The following PHLDB2 variants were observed in gnomAD, a reference collection of about 807,000 sequenced individuals.
PHLDB2 encodes pleckstrin homology like domain family B member 2, also known as pleckstrin homology-like domain family B member 2.
In PHLDB2, 71 loss-of-function variants were observed where a neutral mutation model predicts 123.6. The ratio of observed to expected loss-of-function variants is 0.57; its 90% confidence interval spans 0.47 to 0.70. PHLDB2 has a LOEUF of 0.70. Ranked by LOEUF, PHLDB2 falls within the 30% of genes least tolerant of loss-of-function variation. The pLI is 0.00. For missense variants in PHLDB2, 1,446 were observed against 1,519.5 expected (o/e 0.95, Z 0.80); for synonymous variants, 547 against 541.6 (o/e 1.01, Z -0.14).
Position 111,818,209 on chromosome 3 carries a change from A to G in PHLDB2, c.-48-27612A>G, listed in dbSNP as rs1476299481. Among the ~76,000 whole-genome samples, 3 of 136,230 alleles carry G rather than the reference A, an allele frequency of 2.2e-5. No homozygotes were observed. The Admixed American group carries it at 2.2e-4, about 10-fold the overall frequency. The allele number at this position is 136,230 out of a possible 152,430, so 89.4% of individuals were successfully genotyped here. On this transcript the variant is annotated intron_variant, in intron 1 of 17. Coordinates refer to the PHLDB2 transcript ENST00000393923. ...GTGTGTGTGTGTGTCTGCATGTGTT[A>G]CTATTTAGTAAAGTATCAAAGAGAA...
rs755816391 is a variant in PHLDB2, at chr3:111,885,146, G to C, written c.1069G>C (p.Ala357Pro). The C allele has an allele frequency of 3.8e-5, 61 of 1,614,062 alleles. No individual in the cohort carries two copies. Among genetic ancestry groups the C allele is most frequent in the East Asian group, 1.3e-4 (6 of 44,868 alleles). Reference sequence around the variant, plus strand: ...CTGTGCCTCTGATGACTTTGATCAGGCTTCATATGTGGGGACAAACCCGAG... The same window carrying C: ...CTGTGCCTCTGATGACTTTGATCAGCCTTCATATGTGGGGACAAACCCGAG... ...SSCASDDFDQ[A>P]SYVGTNPSHS... The change falls in exon 2 of 18, where the codon GCT becomes CCT. Residue 357 changes from alanine to proline, a missense_variant. Ala to Pro is a conservative substitution (Grantham distance 27, BLOSUM62 -1). Around this residue, in one of 3 missense-constraint regions of PHLDB2, gnomAD observed 832 missense variants for 831.9 expected, o/e 1.00. Coordinates refer to ENST00000431670, the MANE Select transcript of PHLDB2 (RefSeq NM_001134438.2).
At chr3:111,780,692 T>C (rs1301458457) in intron 1 of PHLDB2, among the ~76,000 whole-genome samples, 2 of 152,114 alleles carry the variant, frequency 1.3e-5, no homozygotes, top group Non-Finnish European at 2.9e-5. Context: ...TCATGTCATC[T>C]GGAACTCTCA....
At chr3:111,926,904 G>A (rs916970466) in intron 5 of PHLDB2, among the ~76,000 whole-genome samples, 3 of 152,072 alleles carry the variant, frequency 2.0e-5, no homozygotes, top group South Asian at 2.1e-4. Flanking sequence ...TATAATATAC[G>A]CTATATAATC....
In PHLDB2 at chr3:111,912,918, G is replaced by A. The variant is rs116983190; in HGVS notation, c.1336-401G>A. Among the ~76,000 whole-genome samples the A allele has an allele frequency of 9.8e-5, 15 of 152,336 alleles. No homozygotes were observed. The East Asian group carries it at 2.9e-3, about 29-fold the overall frequency. On this transcript the variant is annotated intron_variant, in intron 2 of 17. Coordinates refer to ENST00000431670, the MANE Select transcript of PHLDB2 (RefSeq NM_001134438.2). ...CACTGGACCCCAGGAGTTAAATAAAGTGAGCTATGATTGTGCCACTGCACT... is the reference window on the plus strand; with the variant it reads ...CACTGGACCCCAGGAGTTAAATAAAATGAGCTATGATTGTGCCACTGCACT...
intron 16 of PHLDB2, among the ~76,000 whole-genome samples, chr3:111,972,093 T>C (rs967244013): frequency 6.6e-6 from 1 of 152,228 alleles, no homozygotes; most frequent in Non-Finnish European, 1.5e-5. Flanking sequence ...AGTTTCCTTC[T>C]GCTTGCTTGA....
At chr3:111,939,154 C>T (rs145166572) in intron 6 of PHLDB2, among the ~76,000 whole-genome samples, 1 of 152,304 alleles carries the variant, frequency 6.6e-6, no homozygotes, top group East Asian at 1.9e-4. Context: ...CTTTGGACTG[C>T]AGATTATGTT....
intron 1 of PHLDB2, among the ~76,000 whole-genome samples, chr3:111,804,659 G>C (rs1444113097): frequency 6.6e-6 from 1 of 152,096 alleles, no homozygotes; most frequent in African/African-American, 2.4e-5. Context: ...TCCAGATTTT[G>C]CCCAATTAAA....
At position 111,885,197 on chromosome 3, in the gene PHLDB2, G is replaced by A. The variant is rs200217328; in HGVS notation, c.1120G>A (p.Asp374Asn). The change falls in exon 2 of 18, where the codon GAC (aspartate) becomes AAC (asparagine). Residue 374 changes from aspartate (D) to asparagine (N), a missense_variant. Physicochemically the swap from Asp to Asn is conservative, Grantham distance 23. Around this residue, in one of 3 missense-constraint regions of PHLDB2, gnomAD observed 832 missense variants for 831.9 expected, o/e 1.00. Coordinates refer to ENST00000431670, the MANE Select transcript of PHLDB2 (RefSeq NM_001134438.2). ...PSHSLLAGES[D>N]RVFATRRNFS... ...TCATTCACTTCTTGCTGGAGAGTCA[G>A]ACAGAGTTTTTGCGACCAGGAGGAA... 4 of 1,614,130 alleles carry A rather than the reference G, an allele frequency of 2.5e-6. No homozygotes were observed. The highest frequency in any genetic ancestry group is 3.4e-6 in the Non-Finnish European group (4 of 1,180,022).
intron 1 of PHLDB2, among the ~76,000 whole-genome samples, chr3:111,878,676 T>C (rs1419709078): frequency 2.6e-5 from 4 of 152,204 alleles, no homozygotes; most frequent in Non-Finnish European, 5.9e-5. Flanking sequence ...CAGTATGATA[T>C]TGGCTGTGGG....
intron 1 of PHLDB2, among the ~76,000 whole-genome samples, chr3:111,805,729 G>A (rs2061552883): frequency 6.7e-6 from 1 of 149,100 alleles, no homozygotes. Flanking sequence ...AAGCAGGTCA[G>A]TGGTGCCTGG....
chr3:111,885,657 C>G, intron 2 of PHLDB2: 2 of 678,996 alleles, frequency 2.9e-6, no homozygotes, highest in Non-Finnish European at 5.3e-6. Context: ...GGACTTCTCA[C>G]AAGTATAAAT....
At chr3:111,803,245 T>A (rs539178425) in intron 1 of PHLDB2, among the ~76,000 whole-genome samples, 1 of 152,168 alleles carries the variant, frequency 6.6e-6, no homozygotes, top group African/African-American at 2.4e-5. Context: ...TAGCCAAAAC[T>A]TATGTGGTTC....
At chr3:111,752,032 A>G (rs1045768124) in intron 1 of PHLDB2, among the ~76,000 whole-genome samples, 1 of 152,202 alleles carries the variant, frequency 6.6e-6, no homozygotes, top group African/African-American at 2.4e-5. Context: ...GAACACCCTG[A>G]AGAAAATTGT....
chr3:111,778,536 T>A (rs1279501764), intron 1 of PHLDB2: 1 of 150,756 alleles, frequency 6.6e-6, no homozygotes, highest in Non-Finnish European at 1.5e-5. Flanking sequence ...TTAGGCTGCA[T>A]TAAGGATTGC....
chr3:111,890,578 C>G (rs1275256738), intron 2 of PHLDB2, among the ~76,000 whole-genome samples: 1 of 152,136 alleles, frequency 6.6e-6, no homozygotes, highest in Non-Finnish European at 1.5e-5. Context: ...AATGAGGAAA[C>G]CAGGTGGGGT....
chr3:111,961,324 C>T (rs180953454), intron 12 of PHLDB2, among the ~76,000 whole-genome samples: 19 of 151,990 alleles, frequency 1.3e-4, no homozygotes, highest in Non-Finnish European at 1.8e-4. Flanking sequence ...AGCATGACTC[C>T]GTCTCAAAAA....
intron 5 of PHLDB2, among the ~76,000 whole-genome samples, chr3:111,927,386 A>G (rs1310346580): frequency 6.6e-6 from 1 of 152,136 alleles, no homozygotes; most frequent in East Asian, 1.9e-4. Context: ...TAAATAAACA[A>G]ATAAATAAAT....
At chr3:111,827,136 T>G (rs2062692004) in intron 1 of PHLDB2, among the ~76,000 whole-genome samples, 1 of 152,242 alleles carries the variant, frequency 6.6e-6, no homozygotes, top group Admixed American at 6.5e-5. Flanking sequence ...ACTAGTCTCT[T>G]TAGGCTTGTC....
intron 1 of PHLDB2, among the ~76,000 whole-genome samples, chr3:111,830,264 A>C (rs992874550): frequency 6.6e-6 from 1 of 152,144 alleles, no homozygotes; most frequent in African/African-American, 2.4e-5. Context: ...TTCACTTTGC[A>C]ATTGCTTGGA....
Sources: allele counts gnomAD v4.1 joint callset (sites outside exome capture counted in the v4.1 genomes callset), GRCh38; gene constraint gnomAD v4.1.1; regional missense constraint gnomAD v4.1.1; transcripts MANE v1.5; gene names NCBI Gene and HGNC (gene_info 2026-07-23, HGNC 2026-07-21).